SLC2A9: variants seen among roughly 807,000 people sequenced by gnomAD.
SLC2A9 encodes solute carrier family 2, facilitated glucose transporter member 9.
A neutral mutation model predicts 50.6 loss-of-function variants in SLC2A9; 39 were observed. The ratio of observed to expected loss-of-function variants is 0.77; its 90% CI spans 0.60 to 1.01. SLC2A9 has a LOEUF of 1.01. Among genes scored for constraint, SLC2A9 ranks in the 50% least tolerant of loss-of-function variants. The pLI is 0.00. For missense variants in SLC2A9, 686 were observed against 677.6 expected, an observed-to-expected ratio of 1.01 and a Z score of -0.14; for synonymous variants, 324 against 276.9, an observed-to-expected ratio of 1.17 and a Z score of -1.69.
intron 5 of SLC2A9, among the ~76,000 whole-genome samples, chr4:9,949,804 T>C (rs922588624): frequency 2.6e-5 from 4 of 152,192 alleles, no homozygotes; most frequent in African/African-American, 9.6e-5. Flanking sequence ...TCAACTCCAA[T>C]AGCTCATGCT....
intron 5 of SLC2A9, among the ~76,000 whole-genome samples, chr4:9,942,993 G>A (rs1260532203): frequency 6.6e-6 from 1 of 152,220 alleles, no homozygotes; most frequent in East Asian, 1.9e-4. Flanking sequence ...ATAGGCAGAG[G>A]TTCTGTTGGC....
intron 2 of SLC2A9, 67 bp downstream of exon 2, chr4:10,018,908 G>T: frequency 6.8e-7 from 1 of 1,465,050 alleles, no homozygotes; most frequent in South Asian, 1.2e-5. Context: ...GGAGCCCAGG[G>T]CCCTTGCGCA....
intron 3 of SLC2A9, among the ~76,000 whole-genome samples, chr4:9,784,732 C>T (rs1452510788): frequency 3.3e-5 from 5 of 152,290 alleles, no homozygotes; most frequent in African/African-American, 7.2e-5. Flanking sequence ...CAGTTGAGAG[C>T]ATATTATTAC....
chr4:9,978,585 A>G (rs1256833527), intron 5 of SLC2A9, among the ~76,000 whole-genome samples: 1 of 152,254 alleles, frequency 6.6e-6, no homozygotes, highest in African/African-American at 2.4e-5. Context: ...ATATCTTTAG[A>G]AACAAAAAGC....
chr4:9,798,202 C>T (rs1479645344), downstream of SLC2A9, among the ~76,000 whole-genome samples: 1 of 152,178 alleles, frequency 6.6e-6, no homozygotes, highest in Non-Finnish European at 1.5e-5. Context: ...ACAGTAAACA[C>T]TGGTGATGGA....
chr4:9,983,219 C>A (rs549485565), intron 4 of SLC2A9, among the ~76,000 whole-genome samples: 1 of 152,202 alleles, frequency 6.6e-6, no homozygotes, highest in Admixed American at 6.5e-5. Flanking sequence ...TAAGTTGCCA[C>A]GCCAGGTGGG....
At chr4:9,923,396 T>G (rs1452250359) in intron 6 of SLC2A9, among the ~76,000 whole-genome samples, 2 of 152,164 alleles carry the variant, frequency 1.3e-5, no homozygotes, top group Non-Finnish European at 2.9e-5. Flanking sequence ...GAGCCACTAT[T>G]GTTTGGGAAG....
At chr4:9,835,519 G>C (rs1726903072) in intron 10 of SLC2A9, among the ~76,000 whole-genome samples, 1 of 152,172 alleles carries the variant, frequency 6.6e-6, no homozygotes, top group Admixed American at 6.5e-5. Context: ...AATCCCTCAG[G>C]GACTTTTACT....
At chr4:9,781,277 C>T (rs1411247373) in intron 3 of SLC2A9, among the ~76,000 whole-genome samples, 1 of 152,220 alleles carries the variant, frequency 6.6e-6, no homozygotes, top group African/African-American at 2.4e-5. Context: ...CGGATTGGGA[C>T]TCGGGTCTGT....
chr4:9,817,301 G>A (rs1018593634), intron 3 of SLC2A9, among the ~76,000 whole-genome samples: 1 of 152,178 alleles, frequency 6.6e-6, no homozygotes, highest in African/African-American at 2.4e-5. Context: ...TCTTTGAAGG[G>A]GCCATGATGC....
intron 2 of SLC2A9, among the ~76,000 whole-genome samples, chr4:10,013,420 C>T (rs964690499): frequency 2.0e-5 from 3 of 152,178 alleles, no homozygotes; most frequent in Non-Finnish European, 4.4e-5. Flanking sequence ...CCAGGAGGCA[C>T]ATCCAGGTGA....
intron 10 of SLC2A9, among the ~76,000 whole-genome samples, chr4:9,866,207 T>C (rs191874120): frequency 4.6e-5 from 7 of 151,996 alleles, no homozygotes; most frequent in East Asian, 1.9e-4. Context: ...CTAATTACTA[T>C]TGTATTATTA....
chr4:9,965,293 G>A (rs959524084), intron 5 of SLC2A9, among the ~76,000 whole-genome samples: 1 of 152,182 alleles, frequency 6.6e-6, no homozygotes, highest in Non-Finnish European at 1.5e-5. Context: ...CCCTGCAGAG[G>A]CTGTTTTGGG....
At chr4:9,858,918 C>T (rs1731155044) in intron 10 of SLC2A9, among the ~76,000 whole-genome samples, 1 of 152,226 alleles carries the variant, frequency 6.6e-6, no homozygotes, top group Non-Finnish European at 1.5e-5. Flanking sequence ...CACTGACTTG[C>T]TGAGTCTTCC....
At chr4:9,889,500 C>T (rs899874881) in intron 9 of SLC2A9, among the ~76,000 whole-genome samples, 3 of 152,194 alleles carry the variant, frequency 2.0e-5, no homozygotes, top group Non-Finnish European at 4.4e-5. Flanking sequence ...GAGCTTGGGA[C>T]AGCTTGGGCC....
chr4:9,842,871 A>C (rs959948106), intron 10 of SLC2A9, among the ~76,000 whole-genome samples: 1 of 152,190 alleles, frequency 6.6e-6, no homozygotes, highest in African/African-American at 2.4e-5. Flanking sequence ...CCTGAGAAGC[A>C]GTTTATGTGC....
At chr4:9,893,225 C>T (rs571934135) in intron 8 of SLC2A9, among the ~76,000 whole-genome samples, 4 of 152,104 alleles carry the variant, frequency 2.6e-5, no homozygotes, top group Non-Finnish European at 5.9e-5. Flanking sequence ...CCCCCCCACC[C>T]CCTCCCCCCT....
chr4:9,964,793 C>T (rs1000204039), intron 5 of SLC2A9, among the ~76,000 whole-genome samples: 2 of 152,108 alleles, frequency 1.3e-5, no homozygotes, highest in Non-Finnish European at 2.9e-5. Flanking sequence ...GCTCAAATTC[C>T]TATACCAGAC....
intron 10 of SLC2A9, among the ~76,000 whole-genome samples, chr4:9,869,448 T>C (rs1241062715): frequency 1.3e-5 from 2 of 150,312 alleles, no homozygotes; most frequent in Non-Finnish European, 2.9e-5. Flanking sequence ...GTCAGTCTCC[T>C]GCCTCTGGCC....
Sources: allele counts gnomAD v4.1 joint callset (sites outside exome capture counted in the v4.1 genomes callset), GRCh38; gene constraint gnomAD v4.1.1; transcripts MANE v1.5; gene names NCBI Gene and HGNC (gene_info 2026-07-23, HGNC 2026-07-21).